MYO9B: variants seen among roughly 807,000 people sequenced by gnomAD.
MYO9B encodes the protein myosin IXB.
MYO9B carries 71 observed loss-of-function variants against 229.5 expected under a neutral mutation model. That is an observed-to-expected ratio of 0.31 (90% CI 0.26 to 0.38). MYO9B has a LOEUF of 0.38. Among genes scored for constraint, MYO9B ranks in the 10% least tolerant of loss-of-function variants. The pLI, the probability that MYO9B is intolerant of heterozygous loss-of-function variation, is 1.00. For missense variants in MYO9B, 2,255 were observed against 2,920.5 expected, an observed-to-expected ratio of 0.77 and a Z score of 5.25; for synonymous variants, 1,185 against 1,235.8, an observed-to-expected ratio of 0.96 and a Z score of 0.86.
chr19:17,162,005 AAG>A (rs2072608549), intron 8 of MYO9B, among the ~76,000 whole-genome samples: 1 of 150,704 alleles, frequency 6.6e-6, no homozygotes, highest in Non-Finnish European at 1.5e-5. Flanking sequence ...AAAAAAAAAA[AAG>A]TACAAAGGGC....
In MYO9B at chr19:17,202,269, G is replaced by A. The variant is rs1373061844; in HGVS notation, c.4802G>A (p.Arg1601His). ...CAGTCACTGCTAGATGAGTTCACCC[G>A]TGGCTACACCAAGAACGACTTCGAG... is the stretch of plus-strand genomic sequence containing the variant. ...LFQSLLDEFTRGYTKNDFEPV... is the reference protein window; with the variant it reads ...LFQSLLDEFTHGYTKNDFEPV... Residue 1601 changes from arginine to histidine, a missense_variant, in exon 28 of 40, where the codon CGT becomes CAT. Around this residue, in one of 7 missense-constraint regions of MYO9B, gnomAD observed 416 missense variants for 605.5 expected, o/e 0.69. Transcript: ENST00000682292. The A allele has an allele frequency of 5.0e-6, 8 of 1,585,136 alleles. No individual in the cohort carries two copies. Among genetic ancestry groups the A allele is most frequent in the Middle Eastern group, 1.7e-4 (1 of 6,054 alleles).
At chr19:17,079,359 A>C (rs1309190940) in intron 1 of MYO9B, among the ~76,000 whole-genome samples, 2 of 152,078 alleles carry the variant, frequency 1.3e-5, no homozygotes, top group African/African-American at 4.8e-5. Flanking sequence ...GGACTGTGGG[A>C]GGGTAGGCAA....
rs2072509979 is a variant in MYO9B at position 17,154,008 on chromosome 19, A to T, written c.1040A>T (p.Glu347Val). ...VFYYLLLGVSEEERQEFQLKQ... is the reference protein window; with the variant it reads ...VFYYLLLGVSVEERQEFQLKQ... Reference sequence around the variant, plus strand: ...TATTATTTGTTACTTGGGGTCAGCGAGGAAGAGCGCCAAGAATTTCAGCTC... The same window carrying T: ...TATTATTTGTTACTTGGGGTCAGCGTGGAAGAGCGCCAAGAATTTCAGCTC... Residue 347 changes from glutamate (E) to valine (V), a missense_variant, in exon 5 of 40, where the codon GAG (glutamate) becomes GTG (valine). Physicochemically the swap from Glu to Val is moderately radical, Grantham distance 121. Coordinates refer to ENST00000682292, the MANE Select transcript of MYO9B (RefSeq NM_004145.4). The T allele has an allele frequency of 6.2e-7, 1 of 1,613,752 alleles. No homozygotes were observed. The highest frequency in any genetic ancestry group is 8.5e-7 in the Non-Finnish European group (1 of 1,179,878).
At chr19:17,152,904 C>T (rs1189798516) in intron 4 of MYO9B, 198 bp downstream of exon 4, 2 of 577,046 alleles carry the variant, frequency 3.5e-6, no homozygotes, top group Non-Finnish European at 6.2e-6. Flanking sequence ...GTCCTCATAC[C>T]TCCCAAGCCA....
intron 2 of MYO9B, among the ~76,000 whole-genome samples, chr19:17,138,989 AC>A (rs967063544): frequency 6.6e-6 from 1 of 151,902 alleles, no homozygotes; most frequent in Non-Finnish European, 1.5e-5. Context: ...CTGGCCCCGA[AC>A]TCTGGTGAAA....
At chr19:17,143,359 A>G (rs2072366193) in intron 2 of MYO9B, among the ~76,000 whole-genome samples, 1 of 152,170 alleles carries the variant, frequency 6.6e-6, no homozygotes. Flanking sequence ...CTGGGCTTCT[A>G]AGTGACTTAT....
intron 11 of MYO9B, among the ~76,000 whole-genome samples, chr19:17,171,351 C>T (rs1378375099): frequency 1.3e-5 from 2 of 152,110 alleles, no homozygotes; most frequent in African/African-American, 4.8e-5. Flanking sequence ...CTCCCCGGAG[C>T]ACAACAGAGC....
chr19:17,167,199 A>ATTTTTT (rs79129217), intron 10 of MYO9B, among the ~76,000 whole-genome samples: 2 of 134,636 alleles, frequency 1.5e-5, no homozygotes, highest in African/African-American at 2.8e-5. Context: ...AAAGTTTTGG[A>ATTTTTT]TTTTTTTTTT....
intron 2 of MYO9B, among the ~76,000 whole-genome samples, chr19:17,109,592 T>C (rs1178912443): frequency 6.6e-6 from 1 of 152,158 alleles, no homozygotes; most frequent in African/African-American, 2.4e-5. Flanking sequence ...TCTCTCACAG[T>C]TCTGGAGGCC....
Position 17,212,219 on chromosome 19 carries a change from A to C in MYO9B, c.6383A>C (p.Glu2128Ala). ...GTGCAGGGCGCCCTGGAGCCCCTAG[A>C]AGAGGATGGCCAGCCACCTGGGGCC... ...LPVQGALEPL[E>A]EDGQPPGAKR... The change falls in exon 40 of 40, where the codon GAA becomes GCA. Residue 2128 changes from glutamate (E) to alanine (A), a missense_variant. Glu to Ala is a moderately radical substitution (Grantham distance 107). Transcript: ENST00000682292. The surrounding 1 kb of genome is among the most constrained non-coding windows in gnomAD (Gnocchi z 5.4). 6.3e-7 allele frequency: 1 copy of C among 1,583,990 alleles called. No individual in the cohort carries two copies. The highest frequency in any genetic ancestry group is 1.8e-5 in the Admixed American group (1 of 55,274).
At chr19:17,160,997 A>AT (rs751740995) in intron 8 of MYO9B, among the ~76,000 whole-genome samples, 124 of 141,582 alleles carry the variant, frequency 8.8e-4, no homozygotes, top group Middle Eastern at 3.7e-3. Flanking sequence ...CGGTGCCCAG[A>AT]TTTTTTTTTT....
chr19:17,197,402 TAGATGATAGATA>T (rs2073055071), intron 22 of MYO9B, among the ~76,000 whole-genome samples: 1 of 142,056 alleles, frequency 7.0e-6, no homozygotes, highest in East Asian at 2.1e-4. Context: ...GATGGATAGA[TAGATGATAGATA>T]GATAGATAGA....
chr19:17,183,606 TGCC>T (rs1429435254), intron 15 of MYO9B: 2 of 550,022 alleles, frequency 3.6e-6, no homozygotes, highest in Non-Finnish European at 3.2e-6. Context: ...AGAGTCCGGG[TGCC>T]GCCAACCCAG....
chr19:17,153,638 G>A (rs1004881082), intron 4 of MYO9B, among the ~76,000 whole-genome samples: 6 of 151,278 alleles, frequency 4.0e-5, no homozygotes, highest in Non-Finnish European at 8.8e-5. Context: ...CGAGGCTGCA[G>A]TGAGCTGTGA....
intron 37 of MYO9B, 91 bp downstream of exon 37, chr19:17,210,471 A>T: frequency 1.4e-6 from 2 of 1,416,568 alleles, no homozygotes; most frequent in South Asian, 2.8e-5. Context: ...CGTAGGATAG[A>T]CAGAGCCTGT....
chr19:17,101,001 A>C lies in MYO9B; in HGVS notation c.-58-659A>C, dbSNP rs1466794293. Among the ~76,000 whole-genome samples the C allele has an allele frequency of 6.7e-6, 1 of 149,334 alleles. No homozygotes were observed. Among genetic ancestry groups the C allele is most frequent in the African/African-American group, 2.5e-5 (1 of 40,458 alleles). ...GGAGCTGCTGGGGAGGTTTATTCAGAGATGAGGTCAGGAAGGATGTGGGCT... is the reference window on the plus strand; with the variant it reads ...GGAGCTGCTGGGGAGGTTTATTCAGCGATGAGGTCAGGAAGGATGTGGGCT... On this transcript the variant is annotated intron_variant, in intron 1 of 39. Coordinates refer to ENST00000682292, the MANE Select transcript of MYO9B (RefSeq NM_004145.4). The surrounding 1 kb of genome is among the most constrained non-coding windows in gnomAD (Gnocchi z 4.7).
intron 14 of MYO9B, chr19:17,177,802 C>T (rs1360413368): frequency 3.3e-5 from 5 of 152,622 alleles, no homozygotes; most frequent in Non-Finnish European, 5.9e-5. Context: ...TTCAGCTGCT[C>T]AATGCTAGAT....
At chr19:17,189,497 C>G (rs145973411) in intron 19 of MYO9B, among the ~76,000 whole-genome samples, 1,824 of 151,654 alleles carry the variant, frequency 0.012, 36 homozygotes, top group African/African-American at 0.042. Context: ...GCCAGGCGTG[C>G]TGGCATGCAA....
At chr19:17,167,891 T>C (rs1483211159) in intron 10 of MYO9B, 52 bp from the exon 11 acceptor site, 4 of 1,547,564 alleles carry the variant, frequency 2.6e-6, no homozygotes, top group Non-Finnish European at 3.5e-6. Context: ...GTTATGTAGA[T>C]ATTACATATC....
Sources: allele counts gnomAD v4.1 joint callset (sites outside exome capture counted in the v4.1 genomes callset), GRCh38; gene constraint gnomAD v4.1.1; regional missense constraint gnomAD v4.1.1; non-coding constraint Gnocchi (gnomAD v3.1); transcripts MANE v1.5; gene names NCBI Gene and HGNC (gene_info 2026-07-23, HGNC 2026-07-21).